The following MAP4K3 variants were observed in gnomAD, a reference collection of about 807,000 sequenced individuals.
The protein encoded by MAP4K3 is MAPK/ERK kinase kinase kinase 3.
In MAP4K3, 94 loss-of-function variants were observed where a neutral mutation model predicts 143.5. The ratio of observed to expected loss-of-function variants is 0.65; its 90% confidence interval spans 0.55 to 0.78. MAP4K3 has a LOEUF of 0.78. Ranked by LOEUF, MAP4K3 falls within the 30% of genes least tolerant of loss-of-function variation. The pLI is 0.00. For synonymous variants in MAP4K3, 416 were observed against 347.2 expected, an observed-to-expected ratio of 1.20 and a Z score of -2.20; for missense variants, 1,077 against 1,068.1, an observed-to-expected ratio of 1.01 and a Z score of -0.12.
At chr2:39,412,945 T>C (rs1028076464) in intron 1 of MAP4K3, among the ~76,000 whole-genome samples, 4 of 152,214 alleles carry the variant, frequency 2.6e-5, no homozygotes, top group Admixed American at 2.0e-4. Flanking sequence ...ATCTGGTAGA[T>C]AGTAACCTGC....
chr2:39,357,466 G>A (rs572448996), intron 2 of MAP4K3, among the ~76,000 whole-genome samples: 1 of 152,328 alleles, frequency 6.6e-6, no homozygotes, highest in South Asian at 2.1e-4. Flanking sequence ...TTTTGCTACT[G>A]CAAATGTAAT....
intron 1 of MAP4K3, among the ~76,000 whole-genome samples, chr2:39,414,953 A>G (rs1037902563): frequency 4.6e-5 from 7 of 152,194 alleles, no homozygotes; most frequent in Non-Finnish European, 1.0e-4. Flanking sequence ...AAAAATGGGA[A>G]TTCATTTATC....
chr2:39,346,932 C>A (rs952313619), intron 3 of MAP4K3, among the ~76,000 whole-genome samples: 6 of 151,750 alleles, frequency 4.0e-5, no homozygotes, highest in Non-Finnish European at 7.4e-5. Flanking sequence ...GATTCCATAA[C>A]CTGATCTCTA....
At chr2:39,263,124 A>T (rs1166918236) in intron 28 of MAP4K3, among the ~76,000 whole-genome samples, 2 of 152,098 alleles carry the variant, frequency 1.3e-5, no homozygotes, top group Non-Finnish European at 2.9e-5. Flanking sequence ...ATGATGCAAA[A>T]ACTGTCAGAA....
chr2:39,258,766 G>A lies in MAP4K3; in HGVS notation c.2309-179C>T, dbSNP rs907983004. On this transcript the variant is annotated intron_variant, in intron 29 of 33. Transcript: ENST00000263881. ...AATGCTGATGCAAGTGCTAAACAACGTAAGTGCTCAACAGAGCATATGTTG... is the reference window on the plus strand; with the variant it reads ...AATGCTGATGCAAGTGCTAAACAACATAAGTGCTCAACAGAGCATATGTTG... Among the ~76,000 whole-genome samples, 16 of 152,326 alleles carry A rather than the reference G, an allele frequency of 1.1e-4. 1 individual carries two copies. In the East Asian group the frequency reaches 2.7e-3, roughly 26 times the overall value.
intron 2 of MAP4K3, among the ~76,000 whole-genome samples, chr2:39,377,767 C>G (rs754071580): frequency 2.0e-5 from 3 of 152,148 alleles, no homozygotes; most frequent in East Asian, 3.9e-4. Context: ...AGACGTCAGC[C>G]TGGAAATAAA....
chr2:39,353,323 T>C (rs773075347), intron 3 of MAP4K3, among the ~76,000 whole-genome samples: 2 of 152,196 alleles, frequency 1.3e-5, no homozygotes, highest in Non-Finnish European at 2.9e-5. Flanking sequence ...AAGGGAAGAA[T>C]CTCTACAGAA....
chr2:39,349,029 T>C (rs1665375330), intron 3 of MAP4K3, among the ~76,000 whole-genome samples: 1 of 152,198 alleles, frequency 6.6e-6, no homozygotes, highest in African/African-American at 2.4e-5. Context: ...CTGCCTGAAG[T>C]TGGCATACGG....
At chr2:39,361,719 TATTTA>T (rs1204221521) in intron 2 of MAP4K3, among the ~76,000 whole-genome samples, 3 of 150,998 alleles carry the variant, frequency 2.0e-5, no homozygotes, top group African/African-American at 7.2e-5. Context: ...AAATATTAAA[TATTTA>T]ATTTAATATT....
chr2:39,274,550 A>C (rs1681169998), intron 24 of MAP4K3, among the ~76,000 whole-genome samples: 1 of 152,164 alleles, frequency 6.6e-6, no homozygotes, highest in African/African-American at 2.4e-5. Flanking sequence ...ACTTTTACAA[A>C]TCTAAAGCTT....
chr2:39,252,433 A>G lies in MAP4K3; in HGVS notation c.2542-548T>C, dbSNP rs143176517. On this transcript the variant is annotated intron_variant, in intron 32 of 33. Transcript: ENST00000263881. ...TGCAGTAGAGCCCTGCAGTGTTCTT[A>G]TAAGGATTAGTGGGTATAATGCCTA... Among the ~76,000 whole-genome samples, 237 of 152,376 alleles carry G rather than the reference A, an allele frequency of 1.6e-3. 2 individuals carry two copies. The highest frequency in any genetic ancestry group is 5.0e-3 in the African/African-American group (210 of 41,598).
At chr2:39,395,930 T>C (rs1558686074) in intron 1 of MAP4K3, among the ~76,000 whole-genome samples, 1 of 150,860 alleles carries the variant, frequency 6.6e-6, no homozygotes, top group Non-Finnish European at 1.5e-5. Flanking sequence ...TGTTAAAAAG[T>C]TCAGGATGAT....
chr2:39,361,652 T>G (rs1665773925), intron 2 of MAP4K3, among the ~76,000 whole-genome samples: 1 of 151,658 alleles, frequency 6.6e-6, no homozygotes, highest in South Asian at 2.1e-4. Context: ...AAGTTTAAAC[T>G]TGCTTTTAAA....
chr2:39,296,393 T>C (rs1239293346), intron 16 of MAP4K3, among the ~76,000 whole-genome samples: 2 of 152,244 alleles, frequency 1.3e-5, no homozygotes, highest in Non-Finnish European at 2.9e-5. Context: ...AATGTCACTA[T>C]TCACTAGTCC....
intron 1 of MAP4K3, 104 bp downstream of exon 1, chr2:39,436,788 T>A: frequency 1.0e-6 from 1 of 963,694 alleles, no homozygotes; most frequent in South Asian, 1.4e-5. Flanking sequence ...GACTGCTCCC[T>A]GGCGCCAGCG....
intron 3 of MAP4K3, among the ~76,000 whole-genome samples, chr2:39,348,962 T>G (rs981075499): frequency 5.9e-5 from 9 of 152,278 alleles, no homozygotes; most frequent in Admixed American, 5.9e-4. Flanking sequence ...ATAGCATAAT[T>G]TAAACAGCAA....
At chr2:39,251,722 G>T (rs1680160436) in intron 33 of MAP4K3, 108 bp downstream of exon 33, 2 of 902,268 alleles carry the variant, frequency 2.2e-6, no homozygotes, top group Non-Finnish European at 3.5e-6. Flanking sequence ...AAAATTCAAT[G>T]TTGAACATAT....
intron 3 of MAP4K3, among the ~76,000 whole-genome samples, chr2:39,355,313 A>G (rs1192059508): frequency 6.9e-6 from 1 of 145,000 alleles, no homozygotes. Flanking sequence ...GTGAGCCGAG[A>G]TCACACCACT....
At chr2:39,270,213 G>GT (rs1680955200) in intron 26 of MAP4K3, among the ~76,000 whole-genome samples, 1 of 152,198 alleles carries the variant, frequency 6.6e-6, no homozygotes, top group South Asian at 2.1e-4. Flanking sequence ...AAGTATGGCT[G>GT]TGAATTAAGG....
Sources: allele counts gnomAD v4.1 joint callset (sites outside exome capture counted in the v4.1 genomes callset), GRCh38; gene constraint gnomAD v4.1.1; transcripts MANE v1.5; gene names NCBI Gene and HGNC (gene_info 2026-07-23, HGNC 2026-07-21).